LHFPL3: variants seen among roughly 807,000 people sequenced by gnomAD.
The protein encoded by LHFPL3 is LHFPL tetraspan subfamily member 3 protein.
A neutral mutation model predicts 19.3 loss-of-function variants in LHFPL3; 5 were observed. That is an observed-to-expected ratio of 0.26 (90% CI 0.14 to 0.54). The LOEUF is 0.54. LHFPL3 is among the 20% of genes least tolerant of loss of function. The probability of loss-of-function intolerance (pLI) is 0.94; values close to 1 mark genes in which losing one functional copy is unlikely to be tolerated. For synonymous variants in LHFPL3, 133 were observed against 126.2 expected (o/e 1.05, Z -0.36); for missense variants, 249 against 307.4 (o/e 0.81, Z 1.42).
intron 1 of LHFPL3, among the ~76,000 whole-genome samples, chr7:104,504,231 A>G (rs41034): frequency 0.023 from 3,518 of 152,340 alleles, 117 homozygotes; most frequent in African/African-American, 0.079. Flanking sequence ...TAGGCAAACT[A>G]CAATGGAAGG....
At chr7:104,460,421 G>C (rs1792636835) in intron 1 of LHFPL3, among the ~76,000 whole-genome samples, 2 of 152,110 alleles carry the variant, frequency 1.3e-5, no homozygotes, top group African/African-American at 4.8e-5. Context: ...TTGAGGAATT[G>C]ACACACTGCT....
At chr7:104,823,260 A>T (rs894419053) in intron 2 of LHFPL3, among the ~76,000 whole-genome samples, 11 of 152,194 alleles carry the variant, frequency 7.2e-5, no homozygotes, top group African/African-American at 2.7e-4. Flanking sequence ...TTTCATCTGC[A>T]TGAAGAGTTT....
intron 1 of LHFPL3, among the ~76,000 whole-genome samples, chr7:104,435,538 A>G (rs949165429): frequency 1.3e-5 from 2 of 149,548 alleles, no homozygotes; most frequent in African/African-American, 4.9e-5. Context: ...TTATAAAATG[A>G]CTTTTATATT....
At chr7:104,523,717 C>G (rs1794127341) in intron 1 of LHFPL3, among the ~76,000 whole-genome samples, 1 of 152,200 alleles carries the variant, frequency 6.6e-6, no homozygotes, top group Non-Finnish European at 1.5e-5. Context: ...GATGATCACT[C>G]TTCAGTGAAT....
intron 1 of LHFPL3, among the ~76,000 whole-genome samples, chr7:104,644,105 A>G (rs1201754506): frequency 6.6e-6 from 1 of 152,220 alleles, no homozygotes; most frequent in Non-Finnish European, 1.5e-5. Context: ...CTGGTCATTG[A>G]TTTCACAGAT....
At chr7:104,814,865 G>A (rs1047535195) in intron 2 of LHFPL3, among the ~76,000 whole-genome samples, 6 of 152,192 alleles carry the variant, frequency 3.9e-5, no homozygotes, top group African/African-American at 1.2e-4. Context: ...AGCAGGTGCC[G>A]ACAGCAGGGA....
At position 104,328,762 on chromosome 7, in the gene LHFPL3, AGG is replaced by A; in HGVS notation, c.-17_-16del. The A allele has an allele frequency of 6.5e-7, 1 of 1,550,360 alleles. No individual in the cohort carries two copies. Among genetic ancestry groups the A allele is most frequent in the Non-Finnish European group, 8.7e-7 (1 of 1,146,756 alleles). On this transcript the variant is annotated 5_prime_UTR_variant, in exon 1 of 3. Coordinates refer to ENST00000424859, the MANE Select transcript of LHFPL3 (RefSeq NM_199000.3). This position sits in a 1 kb window ranked among gnomAD's most constrained non-coding sequence, Gnocchi z 4.6. ...GCGGAGGACCAGGAGGAGGAGGAGG[AGG>A]AGGAGGAGGGGGAGAATGCCCGGAG...
chr7:104,767,148 T>C (rs1164474426), intron 2 of LHFPL3, among the ~76,000 whole-genome samples: 2 of 152,252 alleles, frequency 1.3e-5, no homozygotes, highest in Non-Finnish European at 2.9e-5. Context: ...TTTCTCAAAG[T>C]AACCATTATT....
intron 1 of LHFPL3, among the ~76,000 whole-genome samples, chr7:104,605,768 C>A (rs1157670545): frequency 6.6e-6 from 1 of 151,754 alleles, no homozygotes; most frequent in Non-Finnish European, 1.5e-5. Flanking sequence ...GTAAAGTTTA[C>A]CACTGTTGAT....
chr7:104,468,929 G>C (rs906935827), intron 1 of LHFPL3, among the ~76,000 whole-genome samples: 11 of 152,146 alleles, frequency 7.2e-5, no homozygotes, highest in Non-Finnish European at 1.5e-4. Flanking sequence ...AAAGTGCTGG[G>C]ATAACAGGTG....
chr7:104,539,385 A>G (rs1259989110), intron 1 of LHFPL3, among the ~76,000 whole-genome samples: 1 of 152,212 alleles, frequency 6.6e-6, no homozygotes, highest in African/African-American at 2.4e-5. Flanking sequence ...CAACTCCAAA[A>G]GGTAGAATAT....
At chr7:104,703,519 A>C (rs1365207203) in intron 1 of LHFPL3, among the ~76,000 whole-genome samples, 1 of 152,122 alleles carries the variant, frequency 6.6e-6, no homozygotes, top group Non-Finnish European at 1.5e-5. Context: ...AGCTGCTTAA[A>C]TGCTTTTGAC....
intron 2 of LHFPL3, among the ~76,000 whole-genome samples, chr7:104,763,215 C>G (rs1352897825): frequency 6.6e-6 from 1 of 152,200 alleles, no homozygotes; most frequent in African/African-American, 2.4e-5. Context: ...AGGAGAGACA[C>G]TGTAAAGGTC....
chr7:104,440,587 A>G (rs1792205404), intron 1 of LHFPL3, among the ~76,000 whole-genome samples: 1 of 152,188 alleles, frequency 6.6e-6, no homozygotes, highest in Admixed American at 6.5e-5. Flanking sequence ...ATATAAAAAT[A>G]CAAAGCTATA....
At chr7:104,810,292 G>T (rs1036472758) in intron 2 of LHFPL3, among the ~76,000 whole-genome samples, 3 of 152,184 alleles carry the variant, frequency 2.0e-5, no homozygotes, top group African/African-American at 7.2e-5. Flanking sequence ...TTTAGGCAGG[G>T]TTGGCATGAT....
intron 1 of LHFPL3, among the ~76,000 whole-genome samples, chr7:104,350,216 T>G (rs1790146397): frequency 6.6e-6 from 1 of 152,188 alleles, no homozygotes; most frequent in African/African-American, 2.4e-5. Flanking sequence ...GTTCGCCTTC[T>G]TAGTTACACT....
intron 2 of LHFPL3, among the ~76,000 whole-genome samples, chr7:104,822,215 C>T (rs1790688714): frequency 6.6e-6 from 1 of 152,130 alleles, no homozygotes; most frequent in Non-Finnish European, 1.5e-5. Context: ...GGGTCTTTCT[C>T]AAAGGTGGAA....
chr7:104,673,740 T>C (rs568673409), intron 1 of LHFPL3, among the ~76,000 whole-genome samples: 2 of 152,344 alleles, frequency 1.3e-5, no homozygotes, highest in Non-Finnish European at 2.9e-5. Context: ...TCTGATGGGT[T>C]GAAGTCAGAG....
intron 1 of LHFPL3, among the ~76,000 whole-genome samples, chr7:104,472,163 T>A (rs1211880447): frequency 7.1e-6 from 1 of 141,138 alleles, no homozygotes; most frequent in African/African-American, 2.7e-5. Context: ...GATGACAGAG[T>A]GAGACCCTAT....
Sources: allele counts gnomAD v4.1 joint callset (sites outside exome capture counted in the v4.1 genomes callset), GRCh38; gene constraint gnomAD v4.1.1; non-coding constraint Gnocchi (gnomAD v3.1); transcripts MANE v1.5; gene names NCBI Gene and HGNC (gene_info 2026-07-23, HGNC 2026-07-21).